The following UGT1A10 variants were observed in gnomAD, a reference collection of about 807,000 sequenced individuals.
UGT1A10 encodes UDP-glucuronosyltransferase 1A10.
In UGT1A10, 49 loss-of-function variants were observed where a neutral mutation model predicts 45.8. The ratio of observed to expected loss-of-function variants is 1.07; its 90% CI spans 0.85 to 1.36. The LOEUF (loss-of-function observed/expected upper bound fraction) is 1.36. UGT1A10 is among the 40% of genes most tolerant of loss of function. UGT1A10 has a pLI of 0.00. For synonymous variants in UGT1A10, 284 were observed against 249.7 expected (o/e 1.14, Z -1.29); for missense variants, 745 against 668.6 (o/e 1.11, Z -1.26).
chr2:233,702,618 A>C (rs2075696655), intron 1 of UGT1A10, among the ~76,000 whole-genome samples: 1 of 152,122 alleles, frequency 6.6e-6, no homozygotes, highest in Non-Finnish European at 1.5e-5. Context: ...CCCCCACATT[A>C]TGAGATTGAG....
At chr2:233,690,156 A>C (rs1379009304) in intron 1 of UGT1A10, among the ~76,000 whole-genome samples, 1 of 152,236 alleles carries the variant, frequency 6.6e-6, no homozygotes, top group Non-Finnish European at 1.5e-5. Context: ...GGATTCATTG[A>C]CATGTAGTTA....
chr2:233,665,483 C>T (rs1356317602), intron 1 of UGT1A10, among the ~76,000 whole-genome samples: 1 of 152,144 alleles, frequency 6.6e-6, no homozygotes, highest in East Asian at 1.9e-4. Context: ...GTGCCTTGTA[C>T]ACTTTTTGAC....
In UGT1A10 at chr2:233,695,464, G is replaced by A. The variant is rs575378688; in HGVS notation, c.855+58087G>A. 2.6e-5 allele frequency among the ~76,000 whole-genome samples: 4 copies of A among 151,306 alleles called. No homozygotes were observed. The East Asian group carries it at 7.8e-4, about 29-fold the overall frequency. Reference sequence around the variant, plus strand: ...TTTTTTTGATCAACGTGCTTTATTGGCCCTTTAGATGTTTTTCTCTTTTCT... The same window carrying A: ...TTTTTTTGATCAACGTGCTTTATTGACCCTTTAGATGTTTTTCTCTTTTCT... On this transcript the variant is annotated intron_variant, in intron 1 of 4. Coordinates refer to ENST00000344644, the MANE Select transcript of UGT1A10 (RefSeq NM_019075.4).
At chr2:233,683,841 A>G (rs989453889) in intron 1 of UGT1A10, among the ~76,000 whole-genome samples, 3 of 152,146 alleles carry the variant, frequency 2.0e-5, no homozygotes, top group Non-Finnish European at 2.9e-5. Flanking sequence ...TGTAAGGTGT[A>G]TTAAGTATGC....
rs547408426 is a variant in UGT1A10, at chr2:233,647,882, G to A, written c.855+10505G>A. On this transcript the variant is annotated intron_variant, in intron 1 of 4. Transcript: ENST00000344644. ...TTGTTTTTCTATTTCCTATTTCATT[G>A]ATTTCTACACTGAAGTTAGCCTCCA... 2.6e-5 allele frequency: 39 copies of A among 1,476,208 alleles called. No homozygotes were observed. The African/African-American group carries it at 5.3e-4, about 20-fold the overall frequency. The allele number at this position is 1,476,208 out of a possible 1,614,324, so 91.4% of individuals were successfully genotyped here.
chr2:233,642,205 T>C (rs2073470899), intron 1 of UGT1A10, among the ~76,000 whole-genome samples: 1 of 152,236 alleles, frequency 6.6e-6, no homozygotes, highest in South Asian at 2.1e-4. Context: ...GTTTATTCTT[T>C]TTTCTTTTGT....
chr2:233,636,672 C>G lies in UGT1A10; in HGVS notation c.150C>G (p.Leu50=). Residue 50 remains leucine (L), a synonymous_variant, in exon 1 of 5, where the codon CTC becomes CTG. Coordinates refer to ENST00000344644, the MANE Select transcript of UGT1A10 (RefSeq NM_019075.4). ...AGTCGGTGGTGGAGAAACTTATCCT[C>G]AGGGGGCATGAGGTGGTTGTAGTCA... is the stretch of plus-strand genomic sequence containing the variant. ...TMQSVVEKLI[L]RGHEVVVVMP... 3 of 1,614,094 alleles carry G rather than the reference C, an allele frequency of 1.9e-6. No individual in the cohort carries two copies. The highest frequency in any genetic ancestry group is 2.5e-6 in the Non-Finnish European group (3 of 1,180,016).
chr2:233,667,518 C>T (rs2074103133), intron 1 of UGT1A10, among the ~76,000 whole-genome samples: 1 of 152,100 alleles, frequency 6.6e-6, no homozygotes, highest in African/African-American at 2.4e-5. Context: ...CAACAAAAGC[C>T]AAAATTGACA....
At chr2:233,697,646 C>T (rs1000936615) in intron 1 of UGT1A10, among the ~76,000 whole-genome samples, 2 of 150,654 alleles carry the variant, frequency 1.3e-5, no homozygotes, top group African/African-American at 4.9e-5. Context: ...TTTTTAGTTC[C>T]TTGAGGTGCA....
In UGT1A10 at chr2:233,648,906, C is replaced by T. The variant is rs1402970996; in HGVS notation, c.855+11529C>T. 34 of 1,344,066 alleles carry T rather than the reference C, an allele frequency of 2.5e-5. No individual in the cohort carries two copies. In the Admixed American group the frequency reaches 3.1e-4, roughly 12 times the overall value. 83.3% of individuals were successfully genotyped at this position (1,344,066 alleles called of 1,614,324 possible). The stretch of plus-strand genomic sequence containing the variant: ...CACCTGTCATGGCATATGATCTCTA[C>T]AGCCACACATCAATTTGGTTGCTGC... On this transcript the variant is annotated intron_variant, in intron 1 of 4. Coordinates refer to ENST00000344644, the MANE Select transcript of UGT1A10 (RefSeq NM_019075.4).
At chr2:233,648,000 G>T in intron 1 of UGT1A10, 9 of 1,606,942 alleles carry the variant, frequency 5.6e-6, no homozygotes, top group Non-Finnish European at 6.8e-6. Flanking sequence ...GGCATGAGGT[G>T]GTTGTAGTCA....
intron 1 of UGT1A10, among the ~76,000 whole-genome samples, chr2:233,646,460 GCT>G (rs1220564091): frequency 1.3e-5 from 2 of 152,110 alleles, no homozygotes; most frequent in Non-Finnish European, 2.9e-5. Flanking sequence ...AAACCTTTAT[GCT>G]CTGTTTCCCT....
At chr2:233,655,656 G>C (rs2073837727) in intron 1 of UGT1A10, among the ~76,000 whole-genome samples, 1 of 152,174 alleles carries the variant, frequency 6.6e-6, no homozygotes, top group Non-Finnish European at 1.5e-5. Context: ...GGGGATATGG[G>C]GGTGGGTGAT....
In UGT1A10 at chr2:233,754,741, T is replaced by C; in HGVS notation, c.856-12293T>C. On this transcript the variant is annotated intron_variant, in intron 1 of 4. Coordinates refer to ENST00000344644, the MANE Select transcript of UGT1A10 (RefSeq NM_019075.4). Reference sequence around the variant, plus strand: ...CCTGTCCCATCACTACCGTAGGACATGCAGAAGGAAGAAAGGCCCCCACTT... The same window carrying C: ...CCTGTCCCATCACTACCGTAGGACACGCAGAAGGAAGAAAGGCCCCCACTT... The C allele has an allele frequency of 7.1e-6, 5 of 707,448 alleles. No homozygotes were observed. In the South Asian group the frequency reaches 7.2e-5, roughly 10 times the overall value. The allele number at this position is 707,448 out of a possible 1,614,324, so 43.8% of individuals were successfully genotyped here. A position where few individuals can be genotyped will look rare whatever the true frequency, so the allele number is the denominator to read the frequency against.
chr2:233,639,759 C>T (rs1458374460), intron 1 of UGT1A10, among the ~76,000 whole-genome samples: 1 of 152,166 alleles, frequency 6.6e-6, no homozygotes, highest in Non-Finnish European at 1.5e-5. Flanking sequence ...CAGATGGCCC[C>T]ATCTCCAATT....
At chr2:233,757,644 C>A (rs1202656622) in intron 1 of UGT1A10, among the ~76,000 whole-genome samples, 2 of 149,758 alleles carry the variant, frequency 1.3e-5, no homozygotes, top group African/African-American at 4.9e-5. Flanking sequence ...GAACAAAATG[C>A]TGTTTTTCTG....
chr2:233,722,845 C>CT (rs61550889), intron 1 of UGT1A10, among the ~76,000 whole-genome samples: 61,845 of 135,260 alleles, frequency 0.46, 16,439 homozygotes, highest in African/African-American at 0.64. Context: ...AAGAATGTTT[C>CT]TTTTTTTTTT....
In UGT1A10 at chr2:233,769,436, T is replaced by TGTGGGTGCACACGTGTGCATTCATATGC; in HGVS notation, c.1295+1001_1295+1028dup. The TGTGGGTGCACACGTGTGCATTCATATGC allele has an allele frequency of 6.4e-7, 1 of 1,552,200 alleles. No individual in the cohort carries two copies. The highest frequency in any genetic ancestry group is 2.3e-5 in the East Asian group (1 of 44,346). ...GTTTGTGCATGTGGCTGTGCTCATG[T>TGTGGGTGCACACGTGTGCATTCATATGC]GTGGGTGCACACGTGTGCATTCATA... is the stretch of plus-strand genomic sequence containing the variant. On this transcript the variant is annotated intron_variant, in intron 4 of 4. Coordinates refer to ENST00000344644, the MANE Select transcript of UGT1A10 (RefSeq NM_019075.4). The surrounding 1 kb of genome is among the most constrained non-coding windows in gnomAD (Gnocchi z 4.4).
In UGT1A10 at chr2:233,636,527, C is replaced by T; in HGVS notation, c.5C>T (p.Ala2Val). ...GGCTCGGGCTGCAGTTCTCTCATGG[C>T]TCGCGCAGGGTGGACCAGCCCCGTT... is the stretch of plus-strand genomic sequence containing the variant. M[A>V]RAGWTSPVPL... is the part of the protein sequence containing the mutation. Residue 2 changes from alanine (A) to valine (V), a missense_variant, in exon 1 of 5, where the codon GCT (alanine) becomes GTT (valine). Physicochemically the swap from Ala to Val is moderately conservative, Grantham distance 64. Transcript: ENST00000344644. 1 of 1,611,840 alleles carries T rather than the reference C, an allele frequency of 6.2e-7. No homozygotes were observed. The highest frequency in any genetic ancestry group is 8.5e-7 in the Non-Finnish European group (1 of 1,178,642).
Sources: allele counts gnomAD v4.1 joint callset (sites outside exome capture counted in the v4.1 genomes callset), GRCh38; gene constraint gnomAD v4.1.1; non-coding constraint Gnocchi (gnomAD v3.1); transcripts MANE v1.5; gene names NCBI Gene and HGNC (gene_info 2026-07-23, HGNC 2026-07-21).